The following PRMT9 variants were observed in gnomAD, a reference collection of about 807,000 sequenced individuals.
PRMT9 encodes the protein protein arginine methyltransferase 9.
PRMT9 carries 59 observed loss-of-function variants against 83.2 expected under a neutral mutation model. The observed-to-expected ratio is 0.71, with a 90% CI of 0.57 to 0.88. The LOEUF is 0.88. Ranked by LOEUF, PRMT9 falls within the 40% of genes least tolerant of loss-of-function variation. The pLI, the probability that PRMT9 is intolerant of heterozygous loss-of-function variation, is 0.00. For missense variants in PRMT9, 947 were observed against 1,021.9 expected (o/e 0.93, Z 1.00); for synonymous variants, 333 against 353.2 (o/e 0.94, Z 0.64).
intron 10 of PRMT9, 172 bp from the exon 11 acceptor site, chr4:147,639,254 G>T: frequency 1.7e-6 from 1 of 593,662 alleles, no homozygotes; most frequent in Non-Finnish European, 2.9e-6. Flanking sequence ...TCAAGCTAAG[G>T]CTGGCTTTCA....
chr4:147,683,635 G>A (rs539386450), intron 1 of PRMT9, among the ~76,000 whole-genome samples, 164 bp downstream of exon 1: 2 of 145,974 alleles, frequency 1.4e-5, no homozygotes, highest in African/African-American at 2.6e-5. Context: ...TTTTTTTTAC[G>A]AGGACGTTGG....
At position 147,680,427 on chromosome 4, in the gene PRMT9, A is replaced by G. The variant is rs150448463; in HGVS notation, c.234T>C (p.Asp78=). Residue 78 remains aspartate (D), a synonymous_variant, in exon 2 of 12, where the codon GAT becomes GAC. Coordinates refer to ENST00000322396, the MANE Select transcript of PRMT9 (RefSeq NM_138364.4). The part of the protein sequence containing the change: ...YTLFRWAEEL[D]ALSRIQDLLG... ...GTAAGTCTTGTATCCGACTGAGAGC[A>G]TCAAGCTCTTCAGCCCATCTGAAAA... The G allele has an allele frequency of 7.3e-5, 118 of 1,613,964 alleles. 1 individual carries two copies. Among genetic ancestry groups the G allele is most frequent in the South Asian group, 6.4e-4 (58 of 91,092 alleles).
At chr4:147,659,346 A>G (rs1297532193) in intron 7 of PRMT9, among the ~76,000 whole-genome samples, 2 of 151,678 alleles carry the variant, frequency 1.3e-5, no homozygotes, top group African/African-American at 4.8e-5. Context: ...GGCTGCAGTG[A>G]GCCAAGATCG....
intron 10 of PRMT9, among the ~76,000 whole-genome samples, chr4:147,640,158 C>T (rs940519029): frequency 1.3e-5 from 2 of 148,856 alleles, no homozygotes; most frequent in Admixed American, 6.8e-5. Context: ...CTGCAACCTC[C>T]GCTTCCTGGG....
intron 9 of PRMT9, among the ~76,000 whole-genome samples, chr4:147,649,868 T>C (rs1386228151): frequency 2.0e-5 from 3 of 152,152 alleles, no homozygotes; most frequent in African/African-American, 7.2e-5. Context: ...ATCCCAACAC[T>C]CTGGGAAGCC....
intron 7 of PRMT9, among the ~76,000 whole-genome samples, chr4:147,659,579 C>T (rs115464663): frequency 3.0e-4 from 36 of 121,602 alleles, no homozygotes; most frequent in South Asian, 5.1e-4. Context: ...ACTTTCTTTT[C>T]TTTTTTTTTT....
intron 9 of PRMT9, among the ~76,000 whole-genome samples, chr4:147,646,665 G>T (rs550961389): frequency 2.0e-5 from 3 of 150,828 alleles, no homozygotes; most frequent in South Asian, 4.2e-4. Flanking sequence ...GCTGGGGAGG[G>T]GGGGGAGGGG....
intron 6 of PRMT9, among the ~76,000 whole-genome samples, chr4:147,664,262 T>C (rs1735168092): frequency 6.6e-6 from 1 of 152,228 alleles, no homozygotes; most frequent in Non-Finnish European, 1.5e-5. Context: ...GAGCCATGAT[T>C]GAGCCACTGT....
At position 147,683,735 on chromosome 4, in the gene PRMT9, G is replaced by GTATT; in HGVS notation, c.189+63_189+64insAATA. On this transcript the variant is annotated intron_variant, in intron 1 of 11. Coordinates refer to ENST00000322396, the MANE Select transcript of PRMT9 (RefSeq NM_138364.4). ...AGCCCCTCCGCTTTTTTTTTTTTCTGTTTTTTTTTTTTTTTTTACGAGGAC... is the reference window on the plus strand; with the variant it reads ...AGCCCCTCCGCTTTTTTTTTTTTCTGTATTTTTTTTTTTTTTTTTTTACGAGGAC... 45 of 837,748 alleles carry GTATT rather than the reference G, an allele frequency of 5.4e-5. 1 individual carries two copies. Among genetic ancestry groups the GTATT allele is most frequent in the Non-Finnish European group, 6.3e-5 (34 of 539,808 alleles). 51.9% of individuals were successfully genotyped at this position (837,748 alleles called of 1,614,324 possible).
intron 2 of PRMT9, among the ~76,000 whole-genome samples, chr4:147,678,547 T>TTGGC (rs1274420838): frequency 6.6e-6 from 1 of 152,236 alleles, no homozygotes; most frequent in Non-Finnish European, 1.5e-5. Flanking sequence ...AAACTGTCCC[T>TTGGC]TGGCTGGCAT....
At chr4:147,651,698 T>C (rs1734110332) in intron 9 of PRMT9, among the ~76,000 whole-genome samples, 1 of 152,220 alleles carries the variant, frequency 6.6e-6, no homozygotes, top group Non-Finnish European at 1.5e-5. Flanking sequence ...GACATTATGC[T>C]AAGTGAAACA....
chr4:147,659,225 A>C (rs1218731258), intron 7 of PRMT9, among the ~76,000 whole-genome samples: 1 of 150,278 alleles, frequency 6.7e-6, no homozygotes, highest in African/African-American at 2.5e-5. Flanking sequence ...ACATGGTGAA[A>C]CACCATCTCT....
intron 9 of PRMT9, among the ~76,000 whole-genome samples, chr4:147,649,208 GGAGA>G (rs140879496): frequency 6.6e-6 from 1 of 151,100 alleles, no homozygotes; most frequent in Middle Eastern, 3.5e-3. Flanking sequence ...GAGAGAAGAG[GGAGA>G]GAGAGAGAAA....
chr4:147,656,780 A>AC (rs1734523782), intron 8 of PRMT9, among the ~76,000 whole-genome samples: 1 of 147,694 alleles, frequency 6.8e-6, no homozygotes, highest in Non-Finnish European at 1.5e-5. Context: ...TCAAAAAAAA[A>AC]AAAAAAAAAA....
chr4:147,639,536 G>A (rs1733239308), intron 10 of PRMT9, among the ~76,000 whole-genome samples: 1 of 152,114 alleles, frequency 6.6e-6, no homozygotes, highest in Non-Finnish European at 1.5e-5. Context: ...TTTCCAGAAG[G>A]CAGTGGCTCT....
Position 147,672,968 on chromosome 4 carries a change from A to T in PRMT9, c.734T>A (p.Ile245Asn). 6.2e-7 allele frequency: 1 copy of T among 1,613,246 alleles called. No individual in the cohort carries two copies. The highest frequency in any genetic ancestry group is 2.2e-5 in the East Asian group (1 of 44,850). The change falls in exon 4 of 12, where the codon ATT becomes AAT. Residue 245 changes from isoleucine (I) to asparagine (N), a missense_variant. Coordinates refer to ENST00000322396, the MANE Select transcript of PRMT9 (RefSeq NM_138364.4). ...GTTTACATGATAATACCTTTCGGGAATATGTTTTGGAATCTCTATGTCAAG... is the reference window on the plus strand; with the variant it reads ...GTTTACATGATAATACCTTTCGGGATTATGTTTTGGAATCTCTATGTCAAG... ...KSLDIEIPKHIPERVSLVVTE... is the reference protein window; with the variant it reads ...KSLDIEIPKHNPERVSLVVTE...
intron 2 of PRMT9, 47 bp downstream of exon 2, chr4:147,680,276 C>T (rs1245373734): frequency 6.4e-7 from 1 of 1,561,488 alleles, no homozygotes; most frequent in Non-Finnish European, 8.8e-7. Context: ...CCTATCCAGA[C>T]TAATACAGAA....
intron 2 of PRMT9, 82 bp from the exon 3 acceptor site, chr4:147,673,956 G>T: frequency 2.6e-6 from 3 of 1,166,088 alleles, no homozygotes; most frequent in Non-Finnish European, 3.8e-6. Context: ...CCACTCACTT[G>T]GCCTGGGAAT....
intron 6 of PRMT9, among the ~76,000 whole-genome samples, chr4:147,662,516 T>C (rs563732350): frequency 3.8e-4 from 58 of 152,302 alleles, no homozygotes; most frequent in Non-Finnish European, 6.5e-4. Context: ...AAAATTTACA[T>C]TGGGCCAGGC....
Sources: allele counts gnomAD v4.1 joint callset (sites outside exome capture counted in the v4.1 genomes callset), GRCh38; gene constraint gnomAD v4.1.1; transcripts MANE v1.5; gene names NCBI Gene and HGNC (gene_info 2026-07-23, HGNC 2026-07-21).